Variants in ZBTB38 observed in about 807,000 individuals in gnomAD.
The protein encoded by ZBTB38 is zinc finger and BTB domain containing 38.
A neutral mutation model predicts 76.8 loss-of-function variants in ZBTB38; 20 were observed. That is an observed-to-expected ratio of 0.26 (90% confidence interval 0.18 to 0.38). The LOEUF (loss-of-function observed/expected upper bound fraction) is 0.38. ZBTB38 is among the 10% of genes least tolerant of loss of function. The pLI is 1.00. For synonymous variants in ZBTB38, 504 were observed against 544.2 expected (o/e 0.93, Z 1.03); for missense variants, 1,082 against 1,482.3 (o/e 0.73, Z 4.43).
At chr3:141,331,440 A>C (rs981884446) in intron 1 of ZBTB38, among the ~76,000 whole-genome samples, 2 of 152,192 alleles carry the variant, frequency 1.3e-5, no homozygotes, top group African/African-American at 4.8e-5. Context: ...AATGTCTTAC[A>C]CTGTCGTCCC....
At chr3:141,329,358 C>G (rs2148875864) in intron 1 of ZBTB38, among the ~76,000 whole-genome samples, 1 of 152,334 alleles carries the variant, frequency 6.6e-6, no homozygotes, top group Non-Finnish European at 1.5e-5. Context: ...CGATACATCA[C>G]TCCATCCCTT....
chr3:141,369,312 G>A (rs1297796500), intron 1 of ZBTB38, among the ~76,000 whole-genome samples: 1 of 152,198 alleles, frequency 6.6e-6, no homozygotes, highest in Non-Finnish European at 1.5e-5. Context: ...TGCCTTTACT[G>A]AGCACGTTTC....
rs1331646462 is a variant in ZBTB38 at position 141,449,342 on chromosome 3, T to C, written c.*3366T>C. On this transcript the variant is annotated 3_prime_UTR_variant, in exon 6 of 6. Coordinates refer to ENST00000321464, the MANE Select transcript of ZBTB38 (RefSeq NM_001376113.1). ...TGTGTCAGGTTCAGCTTCCCCTGAA[T>C]TGGGCTTCCCTTATATCTCAGGAGA... The C allele has an allele frequency of 1.3e-5, 2 of 152,244 alleles. No homozygotes were observed. The highest frequency in any genetic ancestry group is 2.1e-4 in the South Asian group (1 of 4,832). 9.4% of individuals were successfully genotyped at this position (152,244 alleles called of 1,614,324 possible).
At chr3:141,433,244 T>G (rs905478937) in intron 5 of ZBTB38, among the ~76,000 whole-genome samples, 6 of 152,052 alleles carry the variant, frequency 3.9e-5, no homozygotes, top group Non-Finnish European at 2.9e-5. Context: ...TTTATTTTAT[T>G]GAGTAAAATA....
intron 1 of ZBTB38, among the ~76,000 whole-genome samples, chr3:141,337,881 T>C (rs2148897244): frequency 6.6e-6 from 1 of 152,324 alleles, no homozygotes; most frequent in African/African-American, 2.4e-5. Flanking sequence ...AGTTAGTAAG[T>C]GACACAAACC....
At chr3:141,399,386 C>T (rs1050073535) in intron 4 of ZBTB38, among the ~76,000 whole-genome samples, 2 of 152,308 alleles carry the variant, frequency 1.3e-5, no homozygotes, top group Non-Finnish European at 2.9e-5. Flanking sequence ...GGGAAGTTGA[C>T]ACCTCTATTC....
Position 141,434,708 on chromosome 3 carries a change from T to C in ZBTB38, c.1-7681T>C, listed in dbSNP as rs1484362741. Among the ~76,000 whole-genome samples, 3 of 152,176 alleles carry C rather than the reference T, an allele frequency of 2.0e-5. No individual in the cohort carries two copies. In the East Asian group the frequency reaches 5.8e-4, roughly 29 times the overall value. On this transcript the variant is annotated intron_variant, in intron 5 of 5. Coordinates refer to ENST00000321464, the MANE Select transcript of ZBTB38 (RefSeq NM_001376113.1). ...TACTAGAATTTCCCAGTGGCATTTA[T>C]ATAAAGTCTAATTATAAAATATGTT...
intron 5 of ZBTB38, among the ~76,000 whole-genome samples, chr3:141,405,979 T>C (rs1954240047): frequency 6.6e-6 from 1 of 152,200 alleles, no homozygotes; most frequent in South Asian, 2.1e-4. Flanking sequence ...TGATGTGGCA[T>C]TTCAATAAAA....
intron 1 of ZBTB38, among the ~76,000 whole-genome samples, chr3:141,357,225 GACTT>G (rs1943688849): frequency 6.6e-6 from 1 of 152,110 alleles, no homozygotes; most frequent in Non-Finnish European, 1.5e-5. Context: ...CTTTTTCTAT[GACTT>G]ACTTTTTTTT....
intron 4 of ZBTB38, among the ~76,000 whole-genome samples, chr3:141,393,989 CT>C (rs995655069): frequency 2.4e-4 from 35 of 147,232 alleles, no homozygotes; most frequent in African/African-American, 6.3e-4. Context: ...CTTTCCATTT[CT>C]TTTTTTTTTC....
intron 5 of ZBTB38, among the ~76,000 whole-genome samples, chr3:141,428,838 AT>A (rs2150400416): frequency 6.6e-6 from 1 of 152,320 alleles, no homozygotes; most frequent in South Asian, 2.1e-4. Context: ...ATTAATTAAT[AT>A]GCAAAGTGCT....
chr3:141,445,586 C>G lies in ZBTB38; in HGVS notation c.3198C>G (p.Phe1066Leu). The G allele has an allele frequency of 6.2e-7, 1 of 1,614,164 alleles. No homozygotes were observed. The highest frequency in any genetic ancestry group is 1.3e-5 in the African/African-American group (1 of 75,024). ...GCATCCACCTGGGCTTGAAGGAGTT[C>G]GTCTGTCAGTATTGCAACAAGGCAT... ...HERIHLGLKE[F>L]VCQYCNKAFT... The change falls in exon 6 of 6, where the codon TTC (phenylalanine) becomes TTG (leucine). Residue 1066 changes from phenylalanine to leucine, a missense_variant. By Grantham distance (22) the Phe-to-Leu change is conservative (BLOSUM62 0). Around this residue, in one of 8 missense-constraint regions of ZBTB38, gnomAD observed 69 missense variants for 148.2 expected, o/e 0.47. Coordinates refer to ENST00000321464, the MANE Select transcript of ZBTB38 (RefSeq NM_001376113.1). The surrounding 1 kb of genome is among the most constrained non-coding windows in gnomAD (Gnocchi z 6.5).
intron 5 of ZBTB38, chr3:141,431,927 C>G (rs1452587295): frequency 4.5e-6 from 1 of 221,494 alleles, no homozygotes; most frequent in Admixed American, 6.5e-5. Flanking sequence ...AAGGCAACAT[C>G]AACAGGATTT....
chr3:141,417,254 C>T (rs930935927), intron 5 of ZBTB38, among the ~76,000 whole-genome samples: 2 of 152,216 alleles, frequency 1.3e-5, no homozygotes, highest in Admixed American at 1.3e-4. Context: ...CAACCACCTC[C>T]CATATGTCAT....
At chr3:141,438,692 A>AT (rs936735610) in intron 5 of ZBTB38, among the ~76,000 whole-genome samples, 43 of 151,722 alleles carry the variant, frequency 2.8e-4, no homozygotes, top group African/African-American at 9.7e-4. Flanking sequence ...AGGCTGCGTG[A>AT]TTTTTTTTTA....
intron 5 of ZBTB38, among the ~76,000 whole-genome samples, chr3:141,424,506 T>G (rs969510584): frequency 6.6e-6 from 1 of 152,006 alleles, no homozygotes; most frequent in African/African-American, 2.4e-5. Context: ...GGTGGCAGAG[T>G]GAGACCCTGT....
chr3:141,371,743 G>T (rs1489123388), intron 2 of ZBTB38, among the ~76,000 whole-genome samples: 1 of 152,196 alleles, frequency 6.6e-6, no homozygotes, highest in Non-Finnish European at 1.5e-5. Context: ...TTCAGGAAAA[G>T]TTTCAAAACA....
At chr3:141,401,781 T>C (rs994426245) in intron 4 of ZBTB38, among the ~76,000 whole-genome samples, 8 of 152,224 alleles carry the variant, frequency 5.3e-5, no homozygotes, top group Non-Finnish European at 8.8e-5. Context: ...CCCCTGGATC[T>C]TGGAAGAAAG....
At chr3:141,328,144 C>T (rs1421028845) in intron 1 of ZBTB38, among the ~76,000 whole-genome samples, 3 of 152,118 alleles carry the variant, frequency 2.0e-5, no homozygotes, top group Non-Finnish European at 2.9e-5. Context: ...ACAGTGACAC[C>T]CTCTCTTCCA....
Sources: allele counts gnomAD v4.1 joint callset (sites outside exome capture counted in the v4.1 genomes callset), GRCh38; gene constraint gnomAD v4.1.1; regional missense constraint gnomAD v4.1.1; non-coding constraint Gnocchi (gnomAD v3.1); transcripts MANE v1.5; gene names NCBI Gene and HGNC (gene_info 2026-07-23, HGNC 2026-07-21).